The following NIBAN3 variants were observed in gnomAD, a reference collection of about 807,000 sequenced individuals.
NIBAN3 encodes the protein niban apoptosis regulator 3.
Under a neutral mutation model 76.4 loss-of-function variants are expected in NIBAN3, and 66 were observed. The observed-to-expected ratio is 0.86, with a 90% CI of 0.71 to 1.06. The LOEUF (loss-of-function observed/expected upper bound fraction) is 1.06, where lower values mean the gene tolerates loss of function less well. Ranked by LOEUF, NIBAN3 falls within the 50% of genes least tolerant of loss-of-function variation. NIBAN3 has a pLI of 0.00. For missense variants in NIBAN3, 808 were observed against 810.7 expected (o/e 1.00, Z 0.04); for synonymous variants, 360 against 355.2 (o/e 1.01, Z -0.15).
In NIBAN3 at chr19:17,542,411, G is replaced by A. The variant is rs1486838034; in HGVS notation, c.1329+117G>A. On this transcript the variant is annotated intron_variant, in intron 10 of 14. Coordinates refer to ENST00000599164, the MANE Select transcript of NIBAN3 (RefSeq NM_001321827.2). The surrounding 1 kb of genome is among the most constrained non-coding windows in gnomAD (Gnocchi z 4.8). ...TCGAGACAACTCCGCGGGGCTGCCA[G>A]TCTCATGGGGACATGAGCCCGTGAC... is the stretch of plus-strand genomic sequence containing the variant. 7.7e-5 allele frequency: 87 copies of A among 1,129,820 alleles called. No individual in the cohort carries two copies. Among genetic ancestry groups the A allele is most frequent in the Non-Finnish European group, 9.0e-5 (72 of 803,530 alleles). The allele number at this position is 1,129,820 out of a possible 1,614,324, so 70.0% of individuals were successfully genotyped here. A position where few individuals can be genotyped will look rare whatever the true frequency, so the allele number is the denominator to read the frequency against.
chr19:17,547,339 C>T (rs1309843857), intron 13 of NIBAN3, among the ~76,000 whole-genome samples: 2 of 130,714 alleles, frequency 1.5e-5, no homozygotes, highest in Non-Finnish European at 3.2e-5. Flanking sequence ...GGCGACAGAA[C>T]GAGACTATGT....
Position 17,553,414 on chromosome 19 carries a change from G to A in NIBAN3, c.*1516G>A. 1 of 1,614,168 alleles carries A rather than the reference G, an allele frequency of 6.2e-7. No homozygotes were observed. The highest frequency in any genetic ancestry group is 8.5e-7 in the Non-Finnish European group (1 of 1,180,056). On this transcript the variant is annotated 3_prime_UTR_variant, in exon 15 of 15. Coordinates refer to ENST00000599164, the MANE Select transcript of NIBAN3 (RefSeq NM_001321827.2). ...GTCATCTGCTAACTGGATATTGGCA[G>A]CTTCTCTGCTGTCTTGCAGCTGCTT... is the stretch of plus-strand genomic sequence containing the variant.
chr19:17,551,800 G>A lies in NIBAN3; in HGVS notation c.1765G>A (p.Ala589Thr). Reference protein sequence around the residue: ...EQEGADEETEAEREGGACPRQ... With the variant: ...EQEGADEETETEREGGACPRQ... ...CCATTATACAGATGAGGAAACTGAG[G>A]CTGAGCGGGAAGGAGGGGCTTGTCC... The change falls in exon 15 of 15, where the codon GCT (alanine) becomes ACT (threonine). Residue 589 changes from alanine to threonine, a missense_variant. By Grantham distance (58) the Ala-to-Thr change is moderately conservative (BLOSUM62 0). Transcript: ENST00000599164. 1.3e-6 allele frequency: 1 copy of A among 779,702 alleles called. No homozygotes were observed. The highest frequency in any genetic ancestry group is 2.4e-6 in the Non-Finnish European group (1 of 417,146). The allele number at this position is 779,702 out of a possible 1,614,324, so 48.3% of individuals were successfully genotyped here. A position where few individuals can be genotyped will look rare whatever the true frequency, so the allele number is the denominator to read the frequency against.
At position 17,546,770 on chromosome 19, in the gene NIBAN3, G is replaced by T. The variant is rs1242148909; in HGVS notation, c.1639G>T (p.Gly547Trp). 3 of 1,603,342 alleles carry T rather than the reference G, an allele frequency of 1.9e-6. No homozygotes were observed. The highest frequency in any genetic ancestry group is 2.6e-6 in the Non-Finnish European group (3 of 1,175,830). ...TEGIYEDVIR[G>W]CLLQRIDQEL... Reference sequence around the variant, plus strand: ...GGGCATCTATGAGGACGTCATCCGGGGGTGCTTGCTGCAGAGGATTGACCA... The same window carrying T: ...GGGCATCTATGAGGACGTCATCCGGTGGTGCTTGCTGCAGAGGATTGACCA... The change falls in exon 13 of 15, where the codon GGG becomes TGG. Residue 547 changes from glycine to tryptophan, a missense_variant. Gly to Trp is a radical substitution (Grantham distance 184). Coordinates refer to ENST00000599164, the MANE Select transcript of NIBAN3 (RefSeq NM_001321827.2).
At chr19:17,539,918 G>A (rs1373774826) in intron 8 of NIBAN3, among the ~76,000 whole-genome samples, 153 bp downstream of exon 8, 1 of 152,090 alleles carries the variant, frequency 6.6e-6, no homozygotes, top group Non-Finnish European at 1.5e-5. Context: ...CAAGGGAACG[G>A]GTGGGGAAGG....
Position 17,539,638 on chromosome 19 carries a change from G to A in NIBAN3, c.852G>A (p.Gly284=). The A allele has an allele frequency of 6.4e-7, 1 of 1,571,438 alleles. No individual in the cohort carries two copies. The highest frequency in any genetic ancestry group is 8.6e-7 in the Non-Finnish European group (1 of 1,157,552). The part of the protein sequence containing the change: ...LDAVHAAVLA[G]ASAGLCAFQP... ...CCGTTCACGCAGCTGTCCTGGCCGGGGCCTCCGCCGGGCTCTGCGCCTTCC... is the reference window on the plus strand; with the variant it reads ...CCGTTCACGCAGCTGTCCTGGCCGGAGCCTCCGCCGGGCTCTGCGCCTTCC... Residue 284 remains glycine, a synonymous_variant, in exon 8 of 15, where the codon GGG becomes GGA. Transcript: ENST00000599164.
In NIBAN3 at chr19:17,540,582, G is replaced by A; in HGVS notation, c.1170G>A (p.Glu390=). Reference sequence around the variant, plus strand: ...CCTCAGGCACGCGGCTGCGCAGGGAGGTGAGCTCCCGTGGGTAGGGGTTCA... The same window carrying A: ...CCTCAGGCACGCGGCTGCGCAGGGAAGTGAGCTCCCGTGGGTAGGGGTTCA... The part of the protein sequence containing the change: ...QSPSGTRLRR[E]VYSFGEMPWD... The change falls in exon 9 of 15, where the codon GAG becomes GAA. Residue 390 remains glutamate (E), a splice_region_variant and synonymous_variant. Coordinates refer to ENST00000599164, the MANE Select transcript of NIBAN3 (RefSeq NM_001321827.2). 3.3e-6 allele frequency: 5 copies of A among 1,501,562 alleles called. No individual in the cohort carries two copies. The highest frequency in any genetic ancestry group is 2.6e-5 in the South Asian group (2 of 77,216). The allele number at this position is 1,501,562 out of a possible 1,614,324, so 93.0% of individuals were successfully genotyped here.
Position 17,533,681 on chromosome 19 carries a change from C to T in NIBAN3, c.407C>T (p.Ala136Val), listed in dbSNP as rs773780731. The T allele has an allele frequency of 3.1e-6, 5 of 1,613,674 alleles. No individual in the cohort carries two copies. In the East Asian group the frequency reaches 1.1e-4, roughly 36 times the overall value. The change falls in exon 4 of 15, where the codon GCT becomes GTT. Residue 136 changes from alanine (A) to valine (V), a missense_variant. Ala to Val is a moderately conservative substitution (Grantham distance 64). Transcript: ENST00000599164. ...SQREYLRLLD[A>V]LCPESLGDHT... ...CGAGAATATCTCCGCCTTTTGGATG[C>T]TCTCTGCCCTGAATCCTTGGGTAAG...
intron 5 of NIBAN3, among the ~76,000 whole-genome samples, chr19:17,537,812 G>A (rs2075852045): frequency 1.3e-5 from 2 of 152,112 alleles, no homozygotes; most frequent in African/African-American, 2.4e-5. Flanking sequence ...TGGGCATGGT[G>A]GAAGGCACCT....
At chr19:17,532,570 G>T (rs546522455) in intron 3 of NIBAN3, among the ~76,000 whole-genome samples, 182 bp downstream of exon 3, 1 of 152,176 alleles carries the variant, frequency 6.6e-6, no homozygotes, top group Non-Finnish European at 1.5e-5. Context: ...CCCCTGCTGT[G>T]CTGGGTGGGT....
chr19:17,549,159 C>T (rs2076112327), intron 13 of NIBAN3, among the ~76,000 whole-genome samples: 1 of 152,060 alleles, frequency 6.6e-6, no homozygotes, highest in Admixed American at 6.6e-5. Flanking sequence ...AGTTTCTCTT[C>T]CTAAAGATTT....
chr19:17,535,202 G>A (rs1347435792), intron 4 of NIBAN3, among the ~76,000 whole-genome samples: 2 of 152,226 alleles, frequency 1.3e-5, no homozygotes, highest in Non-Finnish European at 2.9e-5. Flanking sequence ...TACTTGGGAG[G>A]CAGAGACAGG....
At position 17,540,318 on chromosome 19, in the gene NIBAN3, C is replaced by A. The variant is rs866321543; in HGVS notation, c.980-74C>A. 7.8e-6 allele frequency: 9 copies of A among 1,150,390 alleles called. 1 individual carries two copies. The Middle Eastern group carries it at 2.0e-3, about 250-fold the overall frequency. The allele number at this position is 1,150,390 out of a possible 1,614,324, so 71.3% of individuals were successfully genotyped here. A position where few individuals can be genotyped will look rare whatever the true frequency, so the allele number is the denominator to read the frequency against. ...AGCGTCCCTGCTCGCGTCCCCCTCG[C>A]GAGGGCCCCTGCACATCCCCATCTG... On this transcript the variant is annotated intron_variant, in intron 8 of 14. Coordinates refer to ENST00000599164, the MANE Select transcript of NIBAN3 (RefSeq NM_001321827.2).
At chr19:17,553,871 CTT>C (rs368209352), downstream of NIBAN3, 382 of 140,996 alleles carry the variant, frequency 2.7e-3, no homozygotes, top group South Asian at 5.4e-3. Context: ...TTGTTTTTAC[CTT>C]TTTTTTTTTT....
intron 5 of NIBAN3, among the ~76,000 whole-genome samples, chr19:17,537,928 A>G (rs1599729308): frequency 1.3e-5 from 2 of 150,712 alleles, no homozygotes; most frequent in African/African-American, 4.9e-5. Flanking sequence ...CCTGGGCAAC[A>G]AGAGCAAAAC....
At chr19:17,549,773 T>TG (rs1313582156) in intron 14 of NIBAN3, 2 of 573,112 alleles carry the variant, frequency 3.5e-6, no homozygotes, top group Non-Finnish European at 6.2e-6. Flanking sequence ...AGCTCAGCCC[T>TG]GGGGGGCTGA....
chr19:17,540,196 A>G (rs1029601113), intron 8 of NIBAN3, 196 bp from the exon 9 acceptor site: 43 of 437,144 alleles, frequency 9.8e-5, no homozygotes, highest in African/African-American at 8.4e-4. Context: ...CGGTGGGCCA[A>G]GGTGGCCCCT....
At position 17,551,983 on chromosome 19, in the gene NIBAN3, G is replaced by T. The variant is rs2076164804; in HGVS notation, c.*85G>T. 3.1e-6 allele frequency: 2 copies of T among 648,286 alleles called. No individual in the cohort carries two copies. The highest frequency in any genetic ancestry group is 2.9e-6 in the Non-Finnish European group (1 of 341,408). 40.2% of individuals were successfully genotyped at this position (648,286 alleles called of 1,614,324 possible). On this transcript the variant is annotated 3_prime_UTR_variant, in exon 15 of 15. Coordinates refer to ENST00000599164, the MANE Select transcript of NIBAN3 (RefSeq NM_001321827.2). ...GCCAAAACGGATGTGCCATCTTTAG[G>T]CTTTTGTAACCCCTGCAACTTCAGA...
At chr19:17,524,801 T>G (rs1159348546), upstream of NIBAN3, among the ~76,000 whole-genome samples, 1 of 152,240 alleles carries the variant, frequency 6.6e-6, no homozygotes, top group African/African-American at 2.4e-5. Context: ...TTCTGCCTCA[T>G]GGCCCAAGGT....
Sources: gnomAD v4.1 joint callset for allele counts (sites outside exome capture counted in the v4.1 genomes callset) on GRCh38, gnomAD v4.1.1 for gene constraint, Gnocchi (gnomAD v3.1) non-coding constraint, MANE v1.5 for transcripts, NCBI Gene and HGNC (gene_info 2026-07-23, HGNC 2026-07-21) for gene names.